The following CSMD1 variants were observed in gnomAD, a reference collection of about 807,000 sequenced individuals.
CSMD1 encodes CUB and Sushi multiple domains 1.
Under a neutral mutation model 417.5 loss-of-function variants are expected in CSMD1, and 213 were observed. That is an observed-to-expected ratio of 0.51 (90% CI 0.46 to 0.57). The LOEUF is 0.57. Among genes scored for constraint, CSMD1 ranks in the 20% least tolerant of loss-of-function variants. The pLI, the probability that CSMD1 is intolerant of heterozygous loss-of-function variation, is 0.00. For missense variants in CSMD1, 6,923 were observed against 4,529.7 expected (o/e 1.53, Z -15.17); for synonymous variants, 2,862 against 1,736.8 (o/e 1.65, Z -16.11).
intron 3 of CSMD1, among the ~76,000 whole-genome samples, chr8:4,257,080 A>C (rs1803511320): frequency 6.6e-6 from 1 of 152,186 alleles, no homozygotes; most frequent in Admixed American, 6.5e-5. Flanking sequence ...GTCTCTTCTT[A>C]GAACTTTTTA....
At chr8:3,516,976 G>C (rs533756631) in intron 10 of CSMD1, among the ~76,000 whole-genome samples, 13 of 152,306 alleles carry the variant, frequency 8.5e-5, no homozygotes, top group African/African-American at 3.1e-4. Flanking sequence ...TAAGAATGAG[G>C]GTGAAAACAC....
chr8:4,903,908 T>C (rs569602195), intron 1 of CSMD1, among the ~76,000 whole-genome samples: 1 of 152,246 alleles, frequency 6.6e-6, no homozygotes, highest in African/African-American at 2.4e-5. Flanking sequence ...TTTATTGACA[T>C]TGAAGACTAT....
At chr8:3,396,478 C>G in intron 16 of CSMD1, 97 bp from the exon 17 acceptor site, 1 of 767,768 alleles carries the variant, frequency 1.3e-6, no homozygotes, top group African/African-American at 1.8e-5. Context: ...AACCCATGTA[C>G]GTTAACATGA....
At chr8:3,165,067 C>A (rs183390023) in intron 37 of CSMD1, among the ~76,000 whole-genome samples, 31 of 151,732 alleles carry the variant, frequency 2.0e-4, no homozygotes, top group African/African-American at 7.0e-4. Flanking sequence ...CCATTTTGAC[C>A]GGTGTTTAAC....
intron 3 of CSMD1, among the ~76,000 whole-genome samples, chr8:4,098,788 A>G (rs1045198455): frequency 6.6e-6 from 1 of 152,168 alleles, no homozygotes; most frequent in Non-Finnish European, 1.5e-5. Flanking sequence ...GTCATTACTA[A>G]TAAGAAGACA....
chr8:4,297,471 T>C (rs750879121), intron 3 of CSMD1, among the ~76,000 whole-genome samples: 2 of 152,358 alleles, frequency 1.3e-5, no homozygotes, highest in African/African-American at 2.4e-5. Context: ...CGCAAGCTAA[T>C]ACTTTATTCA....
rs573600622 is a variant in CSMD1 at position 3,396,345 on chromosome 8, G to A, written c.2442C>T (p.Val814=). The part of the protein sequence containing the change: ...QTEVNYDTLE[V]RDGPASSSPL... ...GGGACGAACTGGCTGGCCCATCTCT[G>A]ACCTCCAAGGTGTCATAATTGACCT... Residue 814 remains valine, a synonymous_variant, in exon 17 of 70, where the codon GTC becomes GTT. Coordinates refer to ENST00000635120, the MANE Select transcript of CSMD1 (RefSeq NM_033225.6). The A allele has an allele frequency of 3.7e-6, 6 of 1,603,930 alleles. No homozygotes were observed. Among genetic ancestry groups the A allele is most frequent in the East Asian group, 4.5e-5 (2 of 44,634 alleles).
chr8:4,057,373 T>A (rs956073275), intron 3 of CSMD1, among the ~76,000 whole-genome samples: 2 of 149,330 alleles, frequency 1.3e-5, no homozygotes, highest in Non-Finnish European at 3.0e-5. Flanking sequence ...TACTTTTTGA[T>A]GGGGTTATTT....
chr8:4,362,928 G>A (rs1480804667), intron 3 of CSMD1, among the ~76,000 whole-genome samples: 1 of 152,172 alleles, frequency 6.6e-6, no homozygotes, highest in African/African-American at 2.4e-5. Flanking sequence ...TTCTTAAACT[G>A]TTAGGACAAG....
At chr8:4,435,995 A>G (rs909246671) in intron 2 of CSMD1, among the ~76,000 whole-genome samples, 24 of 152,150 alleles carry the variant, frequency 1.6e-4, no homozygotes, top group Admixed American at 1.3e-4. Context: ...TCACAAACAT[A>G]TTGAATTAAC....
At chr8:3,712,836 C>A (rs1274205480) in intron 6 of CSMD1, among the ~76,000 whole-genome samples, 1 of 152,126 alleles carries the variant, frequency 6.6e-6, no homozygotes, top group East Asian at 1.9e-4. Flanking sequence ...TTGTGGTCTA[C>A]AGAGGCCAGG....
chr8:4,351,073 C>T (rs954458301), intron 3 of CSMD1, among the ~76,000 whole-genome samples: 6 of 152,076 alleles, frequency 3.9e-5, no homozygotes, highest in Non-Finnish European at 5.9e-5. Flanking sequence ...AATTCCAGAA[C>T]TTCAGGAGTC....
intron 7 of CSMD1, among the ~76,000 whole-genome samples, chr8:3,652,251 T>C (rs1057334042): frequency 2.7e-5 from 4 of 150,252 alleles, no homozygotes; most frequent in Non-Finnish European, 5.9e-5. Flanking sequence ...CCAACGTCAT[T>C]GCACTTACCA....
chr8:3,029,879 G>A (rs1193935878), intron 50 of CSMD1, among the ~76,000 whole-genome samples: 2 of 151,996 alleles, frequency 1.3e-5, no homozygotes, highest in Non-Finnish European at 2.9e-5. Context: ...TATCCTTGGA[G>A]GAACTTGGAA....
At chr8:3,379,904 A>C (rs10110706) in intron 18 of CSMD1, among the ~76,000 whole-genome samples, 3,598 of 151,798 alleles carry the variant, frequency 0.024, 146 homozygotes, top group African/African-American at 0.083. Context: ...CAAATGGGAT[A>C]TAATTAAAGA....
chr8:3,270,043 C>CTTAT (rs1490920601), intron 26 of CSMD1, among the ~76,000 whole-genome samples: 2 of 99,930 alleles, frequency 2.0e-5, no homozygotes, highest in Non-Finnish European at 4.3e-5. Context: ...TCTCTAACCT[C>CTTAT]TTCTTTTTTT....
At chr8:3,621,239 C>T (rs992964190) in intron 7 of CSMD1, among the ~76,000 whole-genome samples, 4 of 152,150 alleles carry the variant, frequency 2.6e-5, no homozygotes, top group East Asian at 1.9e-4. Flanking sequence ...TGGCAGCCCT[C>T]GAAAATGAAT....
At chr8:4,901,402 G>A (rs1465280136) in intron 1 of CSMD1, among the ~76,000 whole-genome samples, 2 of 152,156 alleles carry the variant, frequency 1.3e-5, no homozygotes, top group Non-Finnish European at 2.9e-5. Context: ...ACACTTGAAA[G>A]CAGCTCATTG....
chr8:2,951,396 A>C, intron 65 of CSMD1, 121 bp from the exon 66 acceptor site: 1 of 987,780 alleles, frequency 1.0e-6, no homozygotes. Context: ...GCAGTGATGA[A>C]GACAAGAGGA....
Sources: allele counts gnomAD v4.1 joint callset (sites outside exome capture counted in the v4.1 genomes callset), GRCh38; gene constraint gnomAD v4.1.1; transcripts MANE v1.5; gene names NCBI Gene and HGNC (gene_info 2026-07-23, HGNC 2026-07-21).